Variants in TRAPPC9 observed in about 807,000 individuals in gnomAD.
TRAPPC9 encodes IKK2 binding protein.
Under a neutral mutation model 124.0 loss-of-function variants are expected in TRAPPC9, and 83 were observed. The ratio of observed to expected loss-of-function variants is 0.67; its 90% CI spans 0.56 to 0.80. TRAPPC9 has a LOEUF of 0.80. Among genes scored for constraint, TRAPPC9 ranks in the 30% least tolerant of loss-of-function variants. TRAPPC9 has a pLI of 0.00. For synonymous variants in TRAPPC9, 638 were observed against 617.5 expected (o/e 1.03, Z -0.49); for missense variants, 1,302 against 1,508.3 (o/e 0.86, Z 2.27).
At chr8:140,153,444 T>TG (rs752950638) in intron 17 of TRAPPC9, among the ~76,000 whole-genome samples, 3 of 152,126 alleles carry the variant, frequency 2.0e-5, no homozygotes, top group Non-Finnish European at 4.4e-5. Context: ...GCAATGTAGG[T>TG]AAGCTTCCTT....
At chr8:140,273,242 C>A (rs2065014070) in intron 15 of TRAPPC9, among the ~76,000 whole-genome samples, 1 of 152,190 alleles carries the variant, frequency 6.6e-6, no homozygotes, top group African/African-American at 2.4e-5. Flanking sequence ...CTGTGCCAGC[C>A]CAGGGCAGGA....
At chr8:140,190,329 G>A (rs1459396049) in intron 17 of TRAPPC9, among the ~76,000 whole-genome samples, 1 of 151,982 alleles carries the variant, frequency 6.6e-6, no homozygotes, top group East Asian at 1.9e-4. Context: ...GTCATGGCAG[G>A]CGACTGTAAT....
At chr8:139,861,429 G>A (rs1355441406) in intron 21 of TRAPPC9, among the ~76,000 whole-genome samples, 1 of 152,208 alleles carries the variant, frequency 6.6e-6, no homozygotes, top group Non-Finnish European at 1.5e-5. Context: ...TTAGGTCAGA[G>A]CAGGTGACCA....
At chr8:140,145,719 GTTTT>G (rs201237776) in intron 17 of TRAPPC9, among the ~76,000 whole-genome samples, 1 of 149,644 alleles carries the variant, frequency 6.7e-6, no homozygotes, top group East Asian at 2.0e-4. Flanking sequence ...TTTTGTTTTT[GTTTT>G]TTTTTAGTAT....
At chr8:139,849,859 ACTTCGCC>A (rs1031667710) in intron 21 of TRAPPC9, among the ~76,000 whole-genome samples, 22 of 152,222 alleles carry the variant, frequency 1.4e-4, no homozygotes, top group African/African-American at 4.6e-4. Flanking sequence ...AGCATACCTC[ACTTCGCC>A]CTGGCTCAGA....
At chr8:140,362,895 G>A (rs1027942232) in intron 8 of TRAPPC9, among the ~76,000 whole-genome samples, 2 of 152,102 alleles carry the variant, frequency 1.3e-5, no homozygotes, top group Non-Finnish European at 2.9e-5. Flanking sequence ...TCCTACCACG[G>A]GCGATTATGA....
chr8:139,901,902 T>C (rs982476569), intron 20 of TRAPPC9, among the ~76,000 whole-genome samples: 1 of 152,170 alleles, frequency 6.6e-6, no homozygotes, highest in Non-Finnish European at 1.5e-5. Flanking sequence ...CAGAGAGTTG[T>C]TGTGAAAGTG....
At chr8:140,245,119 C>A (rs2063949824) in intron 16 of TRAPPC9, among the ~76,000 whole-genome samples, 1 of 152,122 alleles carries the variant, frequency 6.6e-6, no homozygotes, top group South Asian at 2.1e-4. Flanking sequence ...TTTTAAAAAA[C>A]ACTTTATTGT....
chr8:140,399,490 G>A lies in TRAPPC9; in HGVS notation c.1009-1745C>T, dbSNP rs144932604. Among the ~76,000 whole-genome samples the A allele has an allele frequency of 6.8e-3, 1,029 of 152,348 alleles. 10 individuals carry two copies. The highest frequency in any genetic ancestry group is 0.023 in the African/African-American group (947 of 41,588). ...TCTTGCATCAGCATGACCTGGATACGAGACATGGAATCAAAGGAGATCATT... is the reference window on the plus strand; with the variant it reads ...TCTTGCATCAGCATGACCTGGATACAAGACATGGAATCAAAGGAGATCATT... On this transcript the variant is annotated intron_variant, in intron 6 of 22. Transcript: ENST00000438773.
At chr8:140,417,204 T>C (rs997281370) in intron 5 of TRAPPC9, among the ~76,000 whole-genome samples, 2 of 152,044 alleles carry the variant, frequency 1.3e-5, no homozygotes, top group African/African-American at 2.4e-5. Flanking sequence ...AAAGCCAAAA[T>C]TGAGAAATGG....
At chr8:140,142,183 G>A (rs1311865044) in intron 17 of TRAPPC9, among the ~76,000 whole-genome samples, 4 of 152,330 alleles carry the variant, frequency 2.6e-5, no homozygotes, top group East Asian at 1.9e-4. Flanking sequence ...AGCTCCCCAC[G>A]CTTGCATTTG....
chr8:139,917,167 CTTTTTTT>C (rs71318317), intron 19 of TRAPPC9, among the ~76,000 whole-genome samples: 6 of 99,934 alleles, frequency 6.0e-5, no homozygotes, highest in South Asian at 3.7e-4. Flanking sequence ...TTATTATTTT[CTTTTTTT>C]TTTTTTTTTT....
At chr8:140,108,421 C>T (rs2130463680) in intron 17 of TRAPPC9, among the ~76,000 whole-genome samples, 1 of 152,324 alleles carries the variant, frequency 6.6e-6, no homozygotes, top group Middle Eastern at 3.4e-3. Flanking sequence ...AGAAGCTCTG[C>T]ACAATTCCCA....
intron 15 of TRAPPC9, among the ~76,000 whole-genome samples, chr8:140,263,057 C>G (rs116610692): frequency 1.3e-5 from 2 of 152,186 alleles, no homozygotes; most frequent in Non-Finnish European, 2.9e-5. Context: ...GCAGAGCCCT[C>G]GGTAGCACTC....
rs1457603965 is a variant in TRAPPC9 at position 140,255,077 on chromosome 8, A to G, written c.2279-2148T>C. ...GTGCTCGACCATGGCACGGTCCTGC[A>G]GAACTGGCCAAGCTCCCTCTGGAGC... On this transcript the variant is annotated intron_variant, in intron 15 of 22. Transcript: ENST00000438773. Among the ~76,000 whole-genome samples, 3 of 152,256 alleles carry G rather than the reference A, an allele frequency of 2.0e-5. No individual in the cohort carries two copies. The East Asian group carries it at 5.8e-4, about 29-fold the overall frequency.
intron 17 of TRAPPC9, among the ~76,000 whole-genome samples, chr8:140,026,652 T>C (rs1020655725): frequency 2.6e-5 from 4 of 152,204 alleles, no homozygotes; most frequent in Non-Finnish European, 4.4e-5. Flanking sequence ...AAATTTCTAT[T>C]TGAGTCCTTC....
At chr8:139,967,798 T>A (rs769161157) in intron 19 of TRAPPC9, among the ~76,000 whole-genome samples, 1 of 152,208 alleles carries the variant, frequency 6.6e-6, no homozygotes, top group African/African-American at 2.4e-5. Context: ...GGAAACTGTA[T>A]AATAAAACAG....
At chr8:140,355,723 G>A (rs551058054) in intron 9 of TRAPPC9, among the ~76,000 whole-genome samples, 1 of 152,220 alleles carries the variant, frequency 6.6e-6, no homozygotes, top group South Asian at 2.1e-4. Context: ...TCTAATGGGC[G>A]AGCCACATCC....
At chr8:140,318,167 C>T (rs551932545) in intron 9 of TRAPPC9, among the ~76,000 whole-genome samples, 8 of 152,106 alleles carry the variant, frequency 5.3e-5, no homozygotes, top group South Asian at 2.1e-4. Flanking sequence ...CCACTGAATC[C>T]GGGTGATGGA....
Sources: allele counts gnomAD v4.1 joint callset (sites outside exome capture counted in the v4.1 genomes callset), GRCh38; gene constraint gnomAD v4.1.1; transcripts MANE v1.5; gene names NCBI Gene and HGNC (gene_info 2026-07-23, HGNC 2026-07-21).